CCDC149: variants seen among roughly 807,000 people sequenced by gnomAD.
CCDC149 encodes coiled-coil domain containing 149.
In CCDC149, 45 loss-of-function variants were observed where a neutral mutation model predicts 59.9. That is an observed-to-expected ratio of 0.75 (90% confidence interval 0.59 to 0.96). The LOEUF (loss-of-function observed/expected upper bound fraction) is 0.96, where lower values mean the gene tolerates loss of function less well. CCDC149 is among the 40% of genes least tolerant of loss of function. The pLI is 0.00. For missense variants in CCDC149, 584 were observed against 664.7 expected (o/e 0.88, Z 1.33); for synonymous variants, 245 against 260.6 (o/e 0.94, Z 0.58).
chr4:24,813,498 A>C (rs1452495263), intron 12 of CCDC149, among the ~76,000 whole-genome samples: 2 of 14,490 alleles, frequency 1.4e-4, no homozygotes, highest in African/African-American at 3.2e-4. Context: ...GAATATATAT[A>C]TATATATATA....
chr4:24,816,200 G>A (rs746806189), intron 12 of CCDC149, among the ~76,000 whole-genome samples: 3 of 151,996 alleles, frequency 2.0e-5, no homozygotes, highest in African/African-American at 4.8e-5. Flanking sequence ...GGATCCTTCC[G>A]CCTCAGCCTT....
chr4:24,882,201 GA>G (rs1436528252), intron 1 of CCDC149, among the ~76,000 whole-genome samples: 4 of 151,316 alleles, frequency 2.6e-5, no homozygotes, highest in Non-Finnish European at 4.4e-5. Flanking sequence ...AAGGAAGATG[GA>G]AAAAAAAAGT....
At chr4:24,896,152 G>C (rs1217473343) in intron 1 of CCDC149, among the ~76,000 whole-genome samples, 3 of 152,290 alleles carry the variant, frequency 2.0e-5, no homozygotes, top group Middle Eastern at 3.4e-3. Flanking sequence ...CCATAAAGAA[G>C]GATGCTGAAC....
chr4:24,936,387 G>C (rs1722780119), intron 1 of CCDC149, among the ~76,000 whole-genome samples: 1 of 151,712 alleles, frequency 6.6e-6, no homozygotes, highest in Non-Finnish European at 1.5e-5. Context: ...GGGAAAATCA[G>C]GATTTATTTT....
At chr4:24,924,335 T>C (rs986095205) in intron 1 of CCDC149, among the ~76,000 whole-genome samples, 4 of 152,128 alleles carry the variant, frequency 2.6e-5, no homozygotes, top group Non-Finnish European at 4.4e-5. Context: ...TGACTTTAGA[T>C]ACTATTGCTG....
rs1285407521 is a variant in CCDC149, at chr4:24,919,277, C to T, written c.-64-24159G>A. On this transcript the variant is annotated intron_variant, in intron 1 of 12. Transcript: ENST00000389609. ...TGACAACCAGGACACAGACCTCTGT[C>T]CTCAAGGCTTTTGGAGTAGATAGCC... Among the ~76,000 whole-genome samples, 4 of 152,180 alleles carry T rather than the reference C, an allele frequency of 2.6e-5. No individual in the cohort carries two copies. The East Asian group carries it at 7.7e-4, about 29-fold the overall frequency.
At chr4:24,862,449 C>T (rs1038904421) in intron 3 of CCDC149, among the ~76,000 whole-genome samples, 1 of 152,176 alleles carries the variant, frequency 6.6e-6, no homozygotes, top group Non-Finnish European at 1.5e-5. Flanking sequence ...AATTCTGGCC[C>T]TCTCTAGTTT....
At chr4:24,919,314 A>G (rs1722218236) in intron 1 of CCDC149, among the ~76,000 whole-genome samples, 1 of 152,198 alleles carries the variant, frequency 6.6e-6, no homozygotes, top group Non-Finnish European at 1.5e-5. Flanking sequence ...TGTTCCCAAG[A>G]AGCTTAATAC....
upstream of CCDC149, among the ~76,000 whole-genome samples, chr4:24,914,834 A>C (rs1319126651): frequency 1.3e-5 from 2 of 152,206 alleles, no homozygotes; most frequent in African/African-American, 2.4e-5. Flanking sequence ...AAAAAGCAAT[A>C]GTCCCTGGCA....
chr4:24,844,237 A>G (rs115580117), intron 4 of CCDC149, among the ~76,000 whole-genome samples: 1 of 152,050 alleles, frequency 6.6e-6, no homozygotes, highest in Admixed American at 6.5e-5. Flanking sequence ...ATATGCACTG[A>G]AACACCTTGT....
At chr4:24,911,831 TC>T (rs1272342519) in intron 1 of CCDC149, among the ~76,000 whole-genome samples, 3 of 152,156 alleles carry the variant, frequency 2.0e-5, no homozygotes, top group Non-Finnish European at 4.4e-5. Flanking sequence ...GGGTTTCCCT[TC>T]CCATAACCCA....
intron 1 of CCDC149, among the ~76,000 whole-genome samples, chr4:24,962,982 AAAAAAG>A (rs751853397): frequency 4.9e-4 from 75 of 151,908 alleles, no homozygotes; most frequent in Non-Finnish European, 9.6e-4. Flanking sequence ...AAACTTAAAA[AAAAAAG>A]AAAAAGAAAA....
At chr4:24,878,761 G>A (rs1024457887) in intron 1 of CCDC149, among the ~76,000 whole-genome samples, 4 of 152,252 alleles carry the variant, frequency 2.6e-5, no homozygotes, top group African/African-American at 9.6e-5. Flanking sequence ...GGAAGCTGCA[G>A]TAGGTAAGCT....
intron 12 of CCDC149, among the ~76,000 whole-genome samples, chr4:24,810,025 A>T (rs1577370918): frequency 6.6e-6 from 1 of 151,710 alleles, no homozygotes; most frequent in African/African-American, 2.4e-5. Context: ...CTCCTGTTTC[A>T]CTCTGCAGCC....
At chr4:24,903,685 T>C (rs927823400) in intron 1 of CCDC149, among the ~76,000 whole-genome samples, 5 of 152,148 alleles carry the variant, frequency 3.3e-5, no homozygotes, top group African/African-American at 4.8e-5. Flanking sequence ...AATCGAGACA[T>C]AGAATACATC....
intron 1 of CCDC149, among the ~76,000 whole-genome samples, chr4:24,887,850 G>T (rs527711518): frequency 1.3e-5 from 2 of 151,728 alleles, no homozygotes; most frequent in Admixed American, 1.3e-4. Flanking sequence ...TTGCAAACAG[G>T]AGCCTTTCAG....
chr4:24,885,273 C>T (rs967111503), intron 1 of CCDC149, among the ~76,000 whole-genome samples: 3 of 152,136 alleles, frequency 2.0e-5, no homozygotes, highest in African/African-American at 7.2e-5. Context: ...AAACTTTCAT[C>T]CTGACATCCT....
At chr4:24,916,440 T>C (rs1333274596), upstream of CCDC149, among the ~76,000 whole-genome samples, 2 of 152,180 alleles carry the variant, frequency 1.3e-5, no homozygotes, top group African/African-American at 4.8e-5. Context: ...GAACTTATTG[T>C]TAGCAACCTA....
chr4:24,836,654 CAT>C (rs745646488), intron 6 of CCDC149, 146 bp from the exon 7 acceptor site: 49 of 591,006 alleles, frequency 8.3e-5, no homozygotes, highest in African/African-American at 3.0e-4. Context: ...AGAGGAGAAA[CAT>C]GTGCATCTTT....
Sources: gnomAD v4.1 joint callset for allele counts (sites outside exome capture counted in the v4.1 genomes callset) on GRCh38, gnomAD v4.1.1 for gene constraint, MANE v1.5 for transcripts, NCBI Gene and HGNC (gene_info 2026-07-23, HGNC 2026-07-21) for gene names.